The following ST6GALNAC3 variants were observed in gnomAD, a reference collection of about 807,000 sequenced individuals.
ST6GALNAC3 encodes the protein ST6 N-acetylgalactosaminide alpha-2,6-sialyltransferase 3.
In ST6GALNAC3, 25 loss-of-function variants were observed where a neutral mutation model predicts 32.7. The observed-to-expected ratio is 0.76, with a 90% CI of 0.56 to 1.07. ST6GALNAC3 has a LOEUF of 1.07. ST6GALNAC3 is among the 50% of genes least tolerant of loss of function. The pLI is 0.00. For missense variants in ST6GALNAC3, 355 were observed against 382.4 expected (o/e 0.93, Z 0.60); for synonymous variants, 129 against 133.1 (o/e 0.97, Z 0.21).
intron 1 of ST6GALNAC3, among the ~76,000 whole-genome samples, chr1:76,267,124 C>T (rs560203393): frequency 6.6e-6 from 1 of 152,312 alleles, no homozygotes; most frequent in East Asian, 1.9e-4. Context: ...GGCTTGACAG[C>T]CAATTTGCGC....
intron 3 of ST6GALNAC3, among the ~76,000 whole-genome samples, chr1:76,615,711 C>T (rs1037086610): frequency 6.6e-6 from 1 of 152,196 alleles, no homozygotes; most frequent in South Asian, 2.1e-4. Flanking sequence ...AAATAAGGGA[C>T]ATTTTCTAAG....
intron 3 of ST6GALNAC3, among the ~76,000 whole-genome samples, chr1:76,485,889 C>T (rs564151896): frequency 1.3e-5 from 2 of 152,334 alleles, no homozygotes; most frequent in South Asian, 2.1e-4. Context: ...CTACACACTG[C>T]TTTGAACGTG....
chr1:76,116,285 A>G (rs545649903), intron 1 of ST6GALNAC3, among the ~76,000 whole-genome samples: 49 of 152,292 alleles, frequency 3.2e-4, no homozygotes, highest in Non-Finnish European at 6.2e-4. Context: ...CCTGGGCTAC[A>G]GTGAGGACTT....
intron 1 of ST6GALNAC3, among the ~76,000 whole-genome samples, chr1:76,094,422 A>G (rs1647095145): frequency 6.6e-6 from 1 of 152,318 alleles, no homozygotes; most frequent in East Asian, 1.9e-4. Flanking sequence ...AGTGCTAGGC[A>G]TGATTTAGTC....
chr1:76,158,013 G>T (rs1290305228), intron 1 of ST6GALNAC3, among the ~76,000 whole-genome samples: 2 of 152,162 alleles, frequency 1.3e-5, no homozygotes, highest in Non-Finnish European at 2.9e-5. Context: ...GTTAAAACAG[G>T]AACTCTGAAA....
chr1:76,275,918 G>A (rs1009407781), intron 1 of ST6GALNAC3, among the ~76,000 whole-genome samples: 2 of 152,188 alleles, frequency 1.3e-5, no homozygotes, highest in Admixed American at 6.5e-5. Context: ...TGTCATCAAA[G>A]TACTCGTTTC....
chr1:76,313,794 A>G lies in ST6GALNAC3; in HGVS notation c.19-11A>G, dbSNP rs542863460. 1 of 1,610,550 alleles carries G rather than the reference A, an allele frequency of 6.2e-7. No homozygotes were observed. The highest frequency in any genetic ancestry group is 1.3e-5 in the African/African-American group (1 of 74,642). On this transcript the variant is annotated splice_polypyrimidine_tract_variant and intron_variant, in intron 1 of 4. Coordinates refer to ENST00000328299, the MANE Select transcript of ST6GALNAC3 (RefSeq NM_152996.4). The stretch of plus-strand genomic sequence containing the variant: ...ATTCGTTCTTCTTTTTGTTTTTTTA[A>G]TGTTTTGTAGAGAAAGTCTGTGATT...
intron 1 of ST6GALNAC3, among the ~76,000 whole-genome samples, chr1:76,108,492 G>C (rs1647691650): frequency 6.6e-6 from 1 of 152,164 alleles, no homozygotes. Flanking sequence ...CTTCCATTGT[G>C]AATAGAGATA....
chr1:76,558,319 A>G (rs146947824), intron 3 of ST6GALNAC3, among the ~76,000 whole-genome samples: 16 of 152,306 alleles, frequency 1.1e-4, no homozygotes, highest in African/African-American at 3.8e-4. Context: ...ACTATTCACA[A>G]TAGCAAAGAC....
At chr1:76,370,083 C>G (rs953438665) in intron 2 of ST6GALNAC3, among the ~76,000 whole-genome samples, 1 of 152,126 alleles carries the variant, frequency 6.6e-6, no homozygotes, top group African/African-American at 2.4e-5. Context: ...CTGTTTTTCT[C>G]AGTGATAAAG....
intron 1 of ST6GALNAC3, among the ~76,000 whole-genome samples, chr1:76,113,799 G>GGAA (rs1648261846): frequency 6.6e-6 from 1 of 151,754 alleles, no homozygotes; most frequent in African/African-American, 2.4e-5. Flanking sequence ...CTTTGTTTGT[G>GGAA]GAAGTTAGTT....
At chr1:76,587,790 G>A (rs934302709) in intron 3 of ST6GALNAC3, among the ~76,000 whole-genome samples, 5 of 152,152 alleles carry the variant, frequency 3.3e-5, no homozygotes, top group Admixed American at 6.5e-5. Flanking sequence ...ATCAAGAGAC[G>A]TGGCATGTGG....
intron 3 of ST6GALNAC3, among the ~76,000 whole-genome samples, chr1:76,467,473 G>A (rs934883999): frequency 1.3e-5 from 2 of 151,912 alleles, no homozygotes; most frequent in Non-Finnish European, 2.9e-5. Flanking sequence ...AACAACTGGG[G>A]ATTAGTTAAA....
chr1:76,285,285 A>G (rs539458335), intron 1 of ST6GALNAC3, among the ~76,000 whole-genome samples: 39 of 152,216 alleles, frequency 2.6e-4, no homozygotes, highest in Middle Eastern at 3.2e-3. Context: ...TGAAAAAAAT[A>G]ACATGAGCCC....
chr1:76,097,615 A>T (rs1647157170), intron 1 of ST6GALNAC3, among the ~76,000 whole-genome samples: 1 of 152,182 alleles, frequency 6.6e-6, no homozygotes, highest in South Asian at 2.1e-4. Context: ...GAACAGACTA[A>T]TACAGCTTCT....
At chr1:76,086,790 A>G (rs1144346) in intron 1 of ST6GALNAC3, among the ~76,000 whole-genome samples, 91,409 of 151,934 alleles carry the variant, frequency 0.6, 28,099 homozygotes, top group Middle Eastern at 0.7. Context: ...AAAATCACTG[A>G]CATGGTGTTC....
intron 1 of ST6GALNAC3, among the ~76,000 whole-genome samples, chr1:76,265,570 G>T (rs924451785): frequency 6.6e-6 from 1 of 151,972 alleles, no homozygotes; most frequent in Non-Finnish European, 1.5e-5. Flanking sequence ...TTACAAACAT[G>T]CACTTTTATC....
At chr1:76,096,987 C>T (rs1358311144) in intron 1 of ST6GALNAC3, among the ~76,000 whole-genome samples, 3 of 149,020 alleles carry the variant, frequency 2.0e-5, no homozygotes, top group African/African-American at 5.0e-5. Flanking sequence ...GGCGTGATCT[C>T]GGCTCACTGC....
At chr1:76,233,171 T>G (rs1375720461) in intron 1 of ST6GALNAC3, among the ~76,000 whole-genome samples, 1 of 152,180 alleles carries the variant, frequency 6.6e-6, no homozygotes, top group South Asian at 2.1e-4. Flanking sequence ...TCTACAGTAA[T>G]AATAATATTA....
Sources: allele counts gnomAD v4.1 joint callset (sites outside exome capture counted in the v4.1 genomes callset), GRCh38; gene constraint gnomAD v4.1.1; transcripts MANE v1.5; gene names NCBI Gene and HGNC (gene_info 2026-07-23, HGNC 2026-07-21).